SLC30A9: variants seen among roughly 807,000 people sequenced by gnomAD.
SLC30A9 encodes proton-coupled zinc antiporter SLC30A9, mitochondrial.
In SLC30A9, 58 loss-of-function variants were observed where a neutral mutation model predicts 87.5. The observed-to-expected ratio is 0.66, with a 90% CI of 0.54 to 0.82. The LOEUF is 0.82. Among genes scored for constraint, SLC30A9 ranks in the 40% least tolerant of loss-of-function variants. The pLI is 0.00. For missense variants in SLC30A9, 557 were observed against 679.1 expected (o/e 0.82, Z 2.00); for synonymous variants, 234 against 233.0 (o/e 1.00, Z -0.04).
In SLC30A9 at chr4:42,070,792, C is replaced by T. The variant is rs537799235; in HGVS notation, c.1418+101C>T. ...CTTCCAGAGGAAGTTTTGGATTCCT[C>T]GTCTTCAGAACGTTTTAGTCTGTAA... On this transcript the variant is annotated intron_variant, in intron 15 of 17. Coordinates refer to ENST00000264451, the MANE Select transcript of SLC30A9 (RefSeq NM_006345.4). 7 of 920,470 alleles carry T rather than the reference C, an allele frequency of 7.6e-6. 1 individual carries two copies. Among genetic ancestry groups the T allele is most frequent in the African/African-American group, 4.9e-5 (3 of 60,632 alleles). 57.0% of individuals were successfully genotyped at this position (920,470 alleles called of 1,614,324 possible).
chr4:41,992,441 G>C (rs540992466), intron 1 of SLC30A9, among the ~76,000 whole-genome samples: 4 of 152,176 alleles, frequency 2.6e-5, no homozygotes, highest in African/African-American at 9.6e-5. Flanking sequence ...TATTGACCAA[G>C]CAATTTTGGC....
chr4:42,010,591 T>G (rs1395134612), intron 2 of SLC30A9, among the ~76,000 whole-genome samples: 1 of 152,224 alleles, frequency 6.6e-6, no homozygotes, highest in Non-Finnish European at 1.5e-5. Context: ...CTGTAAAATA[T>G]TTTGCTTTTA....
chr4:42,067,707 T>C (rs1054235261), intron 14 of SLC30A9, among the ~76,000 whole-genome samples: 1 of 152,234 alleles, frequency 6.6e-6, no homozygotes, highest in Non-Finnish European at 1.5e-5. Flanking sequence ...TCTCCTTTTA[T>C]CTACATAGGT....
intron 6 of SLC30A9, among the ~76,000 whole-genome samples, chr4:42,033,191 T>C (rs1000152348): frequency 6.6e-6 from 1 of 152,190 alleles, no homozygotes; most frequent in Non-Finnish European, 1.5e-5. Flanking sequence ...TATTTTATAA[T>C]TGCCTAAAAA....
At chr4:42,010,669 G>A (rs1285316982) in intron 2 of SLC30A9, among the ~76,000 whole-genome samples, 1 of 152,130 alleles carries the variant, frequency 6.6e-6, no homozygotes, top group Non-Finnish European at 1.5e-5. Flanking sequence ...TATAAGCTTT[G>A]AAAGAGGTAA....
intron 9 of SLC30A9, among the ~76,000 whole-genome samples, chr4:42,052,937 G>A (rs1049808936): frequency 3.0e-4 from 46 of 152,112 alleles, no homozygotes; most frequent in African/African-American, 2.4e-4. Flanking sequence ...AAATAAATAC[G>A]CATAGATTGG....
At chr4:42,029,469 G>C in intron 6 of SLC30A9, 2 of 657,558 alleles carry the variant, frequency 3.0e-6, no homozygotes, top group Non-Finnish European at 5.7e-6. Flanking sequence ...AGATCCAGCA[G>C]ACTGAAATTG....
intron 8 of SLC30A9, among the ~76,000 whole-genome samples, chr4:42,045,609 C>T (rs1302135659): frequency 1.3e-5 from 2 of 149,022 alleles, no homozygotes; most frequent in African/African-American, 2.5e-5. Context: ...AAGCCCAGGA[C>T]TAGACGGATT....
intron 16 of SLC30A9, among the ~76,000 whole-genome samples, chr4:42,077,088 T>C (rs1718587986): frequency 6.6e-6 from 1 of 152,202 alleles, no homozygotes. Flanking sequence ...AGGTGGGCCA[T>C]TGGGTGTACT....
intron 9 of SLC30A9, among the ~76,000 whole-genome samples, chr4:42,050,713 A>C (rs1162726823): frequency 1.3e-5 from 2 of 152,230 alleles, no homozygotes; most frequent in African/African-American, 4.8e-5. Flanking sequence ...TGCCATAGAC[A>C]ACTAAAAGCT....
At chr4:42,000,057 C>T (rs958710589) in intron 1 of SLC30A9, among the ~76,000 whole-genome samples, 1 of 151,892 alleles carries the variant, frequency 6.6e-6, no homozygotes, top group Non-Finnish European at 1.5e-5. Context: ...GGTTTTTCTA[C>T]CTTTGCATAC....
intron 2 of SLC30A9, among the ~76,000 whole-genome samples, chr4:42,014,833 T>C (rs750398267): frequency 5.9e-5 from 9 of 152,304 alleles, no homozygotes; most frequent in African/African-American, 2.2e-4. Context: ...TTCTCACTTA[T>C]TTATGGAGCT....
intron 14 of SLC30A9, among the ~76,000 whole-genome samples, chr4:42,068,227 T>C (rs554781764): frequency 6.6e-6 from 1 of 150,516 alleles, no homozygotes; most frequent in Admixed American, 6.8e-5. Flanking sequence ...ACCAGAAATA[T>C]GCCATAGGAA....
At chr4:42,022,272 G>T (rs1478452375) in intron 4 of SLC30A9, among the ~76,000 whole-genome samples, 2 of 122,752 alleles carry the variant, frequency 1.6e-5, no homozygotes, top group Non-Finnish European at 1.7e-5. Context: ...TTATCTCCTA[G>T]GCCGAAGTAC....
At chr4:42,079,028 G>C (rs1382069962) in intron 17 of SLC30A9, among the ~76,000 whole-genome samples, 1 of 152,018 alleles carries the variant, frequency 6.6e-6, no homozygotes, top group Non-Finnish European at 1.5e-5. Context: ...TGAGAATCTG[G>C]ATATCCGATT....
In SLC30A9 at chr4:42,036,459, A is replaced by G. The variant is rs114037573; in HGVS notation, c.669+1126A>G. Among the ~76,000 whole-genome samples, 88 of 152,142 alleles carry G rather than the reference A, an allele frequency of 5.8e-4. 2 individuals are homozygous for G. Among genetic ancestry groups the G allele is most frequent in the African/African-American group, 1.7e-3 (72 of 41,508 alleles). On this transcript the variant is annotated intron_variant, in intron 7 of 17. Transcript: ENST00000264451. ...ATTGGGCTTTCAACCCCACCACCCC[A>G]CTGAAATGACTTACCAAAGTCCCCA...
chr4:42,016,242 G>A (rs1335384487), intron 2 of SLC30A9, among the ~76,000 whole-genome samples: 1 of 152,146 alleles, frequency 6.6e-6, no homozygotes, highest in Admixed American at 6.5e-5. Context: ...ACTCTGAAAT[G>A]TTATTGAATG....
Position 42,049,487 on chromosome 4 carries a change from C to CCTG in SLC30A9, c.840+8_840+9insCTG. The CCTG allele has an allele frequency of 6.9e-7, 1 of 1,441,392 alleles. No homozygotes were observed. Among genetic ancestry groups the CCTG allele is most frequent in the Non-Finnish European group, 9.5e-7 (1 of 1,055,064 alleles). 89.3% of individuals were successfully genotyped at this position (1,441,392 alleles called of 1,614,324 possible). On this transcript the variant is annotated intron_variant, in intron 9 of 17. Transcript: ENST00000264451. ...TCTGATACTTGTAATCAGGTGAGGA[C>CCTG]TAAAGCTTTTTTTATAAGTCAATTT... is the stretch of plus-strand genomic sequence containing the variant.
chr4:41,997,574 A>G lies in SLC30A9; in HGVS notation c.110-4042A>G, dbSNP rs575589053. 9.6e-3 allele frequency among the ~76,000 whole-genome samples: 1,357 copies of G among 140,650 alleles called. 21 individuals carry two copies. Among genetic ancestry groups the G allele is most frequent in the African/African-American group, 0.034 (1,304 of 37,906 alleles). 92.3% of individuals were successfully genotyped at this position (140,650 alleles called of 152,430 possible). ...ACTGTATAAGTCTTCCGCTTTTTTT[A>G]TGCAACATTATAACATGAGTGTTTT... On this transcript the variant is annotated intron_variant, in intron 1 of 17. Coordinates refer to ENST00000264451, the MANE Select transcript of SLC30A9 (RefSeq NM_006345.4).
Sources: allele counts gnomAD v4.1 joint callset (sites outside exome capture counted in the v4.1 genomes callset), GRCh38; gene constraint gnomAD v4.1.1; transcripts MANE v1.5; gene names NCBI Gene and HGNC (gene_info 2026-07-23, HGNC 2026-07-21).